Variants in ZC3H14 observed in about 807,000 individuals in gnomAD.
ZC3H14 encodes the protein zinc finger CCCH domain-containing protein 14.
In ZC3H14, 31 loss-of-function variants were observed where a neutral mutation model predicts 92.4. The ratio of observed to expected loss-of-function variants is 0.34; its 90% CI spans 0.25 to 0.45. The LOEUF (loss-of-function observed/expected upper bound fraction) is 0.45. Among genes scored for constraint, ZC3H14 ranks in the 20% least tolerant of loss-of-function variants. The pLI is 1.00. For synonymous variants in ZC3H14, 321 were observed against 300.9 expected (o/e 1.07, Z -0.69); for missense variants, 781 against 897.3 (o/e 0.87, Z 1.66).
chr14:88,596,619 T>C (rs2083857094), intron 9 of ZC3H14, 115 bp from the exon 10 acceptor site: 1 of 852,376 alleles, frequency 1.2e-6, no homozygotes, highest in Admixed American at 1.9e-5. Flanking sequence ...TTGTTGAAGC[T>C]TTAAGTTACT....
At chr14:88,596,881 ACGTATC>A (rs1267738559) in intron 10 of ZC3H14, 73 bp downstream of exon 10, 6 of 1,260,984 alleles carry the variant, frequency 4.8e-6, no homozygotes, top group Middle Eastern at 1.8e-4. Flanking sequence ...ACCCCATTTA[ACGTATC>A]TCGGATCTCT....
intron 2 of ZC3H14, among the ~76,000 whole-genome samples, chr14:88,566,009 A>G (rs1460365801): frequency 1.4e-5 from 1 of 72,038 alleles, no homozygotes; most frequent in Non-Finnish European, 2.6e-5. Context: ...CTGGGATTAC[A>G]GGCACCTGCC....
chr14:88,571,077 T>G lies in ZC3H14; in HGVS notation c.195-7T>G. The G allele has an allele frequency of 1.3e-6, 2 of 1,532,960 alleles. No individual in the cohort carries two copies. The highest frequency in any genetic ancestry group is 1.8e-6 in the Non-Finnish European group (2 of 1,139,058). The allele number at this position is 1,532,960 out of a possible 1,614,324, so 95.0% of individuals were successfully genotyped here. On this transcript the variant is annotated splice_region_variant and splice_polypyrimidine_tract_variant and intron_variant, in intron 3 of 16. Transcript: ENST00000251038. Reference sequence around the variant, plus strand: ...GGTTTATTTTTGTTTTTTGTTTTTTTCCTCAGGCTTCATGGTGTATTAGAT... The same window carrying G: ...GGTTTATTTTTGTTTTTTGTTTTTTGCCTCAGGCTTCATGGTGTATTAGAT...
chr14:88,566,146 C>A (rs907165218), intron 2 of ZC3H14, among the ~76,000 whole-genome samples: 1 of 150,658 alleles, frequency 6.6e-6, no homozygotes, highest in Admixed American at 6.7e-5. Flanking sequence ...TCCCAGAGTG[C>A]TGGGATTACA....
intron 7 of ZC3H14, 128 bp from the exon 8 acceptor site, chr14:88,575,712 A>G (rs1566909068): frequency 5.5e-6 from 4 of 723,502 alleles, no homozygotes; most frequent in African/African-American, 3.6e-5. Context: ...TGTAGTTGGC[A>G]TTTTCTAAAA....
chr14:88,580,557 G>GAAA (rs2081789004), intron 9 of ZC3H14, among the ~76,000 whole-genome samples: 2 of 151,428 alleles, frequency 1.3e-5, no homozygotes, highest in African/African-American at 4.9e-5. Context: ...AAGTCTAAAA[G>GAAA]GGCTCATGAG....
chr14:88,606,004 C>T (rs2085345265), intron 12 of ZC3H14, among the ~76,000 whole-genome samples: 1 of 152,128 alleles, frequency 6.6e-6, no homozygotes, highest in Non-Finnish European at 1.5e-5. Context: ...TGACCTCTGG[C>T]AAGAGGACTA....
At chr14:88,594,176 G>A (rs2083500153) in intron 9 of ZC3H14, among the ~76,000 whole-genome samples, 1 of 152,160 alleles carries the variant, frequency 6.6e-6, no homozygotes, top group Non-Finnish European at 1.5e-5. Flanking sequence ...AAACAAATCA[G>A]AAATCTGAAG....
intron 9 of ZC3H14, among the ~76,000 whole-genome samples, chr14:88,592,734 C>G (rs2083308496): frequency 1.3e-5 from 2 of 151,964 alleles, no homozygotes; most frequent in African/African-American, 4.8e-5. Flanking sequence ...CTCCTGACCT[C>G]AAGTGATCCA....
At position 88,577,977 on chromosome 14, in the gene ZC3H14, T is replaced by C. The variant is rs2139688779; in HGVS notation, c.1124-8T>C. Reference sequence around the variant, plus strand: ...TGTATTTCTATCTTTTTTGCTTTTATGTGAAAGTTCCACAGAAACAGACAC... The same window carrying C: ...TGTATTTCTATCTTTTTTGCTTTTACGTGAAAGTTCCACAGAAACAGACAC... On this transcript the variant is annotated splice_polypyrimidine_tract_variant and splice_region_variant and intron_variant, in intron 8 of 16. Transcript: ENST00000251038. 1.2e-6 allele frequency: 2 copies of C among 1,614,156 alleles called. No homozygotes were observed. The highest frequency in any genetic ancestry group is 1.6e-4 in the Middle Eastern group (1 of 6,062).
intron 6 of ZC3H14, 169 bp from the exon 7 acceptor site, chr14:88,574,524 T>A: frequency 1.2e-6 from 1 of 801,286 alleles, no homozygotes; most frequent in Non-Finnish European, 1.9e-6. Flanking sequence ...ATTACAGATG[T>A]GAGCCACCAC....
chr14:88,573,236 C>G (rs540294084), intron 6 of ZC3H14, among the ~76,000 whole-genome samples: 51 of 151,722 alleles, frequency 3.4e-4, no homozygotes, highest in African/African-American at 1.2e-3. Context: ...AAAAATTAGC[C>G]AGGCATGGTG....
intron 2 of ZC3H14, among the ~76,000 whole-genome samples, chr14:88,565,557 A>G (rs2079455341): frequency 6.6e-6 from 1 of 152,192 alleles, no homozygotes; most frequent in Non-Finnish European, 1.5e-5. Context: ...AATGCATAAT[A>G]TTACAAAATT....
At position 88,614,633 on chromosome 14, in the gene ZC3H14, C is replaced by G. The variant is rs540759448; in HGVS notation, c.*2882C>G. On this transcript the variant is annotated 3_prime_UTR_variant, in exon 17 of 17. Coordinates refer to ENST00000251038, the MANE Select transcript of ZC3H14 (RefSeq NM_024824.5). ...GAAAAATATATTTTTAAATAGCAGTCTACATAATTTTCAATCTTCAGGAAA... is the reference window on the plus strand; with the variant it reads ...GAAAAATATATTTTTAAATAGCAGTGTACATAATTTTCAATCTTCAGGAAA... 6.6e-6 allele frequency: 1 copy of G among 152,214 alleles called. No homozygotes were observed. The highest frequency in any genetic ancestry group is 1.9e-4 in the East Asian group (1 of 5,190). The allele number at this position is 152,214 out of a possible 1,614,324, so 9.4% of individuals were successfully genotyped here.
chr14:88,610,649 A>AT (rs1179997502), intron 15 of ZC3H14, among the ~76,000 whole-genome samples, 185 bp from the exon 16 acceptor site: 2 of 151,072 alleles, frequency 1.3e-5, no homozygotes, highest in East Asian at 3.9e-4. Flanking sequence ...ATCTCTTAAA[A>AT]AAAAAAAAAA....
chr14:88,581,579 AAAAAC>A (rs2139751684), intron 9 of ZC3H14, among the ~76,000 whole-genome samples: 1 of 152,210 alleles, frequency 6.6e-6, no homozygotes, highest in East Asian at 1.9e-4. Context: ...ATAAAAATAA[AAAAAC>A]AAAGAACTAG....
rs368799219 is a variant in ZC3H14, at chr14:88,621,123, A to G, written c.*9372A>G. The G allele has an allele frequency of 1.4e-5, 22 of 1,613,602 alleles. No individual in the cohort carries two copies. The South Asian group carries it at 1.8e-4, about 13-fold the overall frequency. On this transcript the variant is annotated 3_prime_UTR_variant, in exon 17 of 17. Transcript: ENST00000251038. ...ATTATCTGTACTTACTTTATCAGCA[A>G]TATCCCAAAGTCTCACTGTCCCATC...
chr14:88,564,616 G>T lies in ZC3H14; in HGVS notation c.79+923G>T, dbSNP rs201533358. 6.6e-5 allele frequency among the ~76,000 whole-genome samples: 10 copies of T among 152,262 alleles called. No homozygotes were observed. In the East Asian group the frequency reaches 1.9e-3, roughly 29 times the overall value. On this transcript the variant is annotated intron_variant, in intron 2 of 16. Transcript: ENST00000251038. ...TTTTTCACTGTGGTGGTGGTGTTTG[G>T]ATTGTGTAAAACTAATGGTTGATAA...
Position 88,627,495 on chromosome 14 carries a change from T to C in ZC3H14, c.*15744T>C, listed in dbSNP as rs371149724. On this transcript the variant is annotated 3_prime_UTR_variant, in exon 17 of 17. Transcript: ENST00000251038. ...TCCACTGGGCTTTTAAAGTGAAATA[T>C]ACCTACAGTACCACTGTGTACAGTA... The C allele has an allele frequency of 4.8e-5, 32 of 671,254 alleles. No homozygotes were observed. Among genetic ancestry groups the C allele is most frequent in the Non-Finnish European group, 6.8e-5 (29 of 427,042 alleles). The allele number at this position is 671,254 out of a possible 1,614,324, so 41.6% of individuals were successfully genotyped here.
Sources: gnomAD v4.1 joint callset for allele counts (sites outside exome capture counted in the v4.1 genomes callset) on GRCh38, gnomAD v4.1.1 for gene constraint, MANE v1.5 for transcripts, NCBI Gene and HGNC (gene_info 2026-07-23, HGNC 2026-07-21) for gene names.